GP6: variants seen among roughly 807,000 people sequenced by gnomAD.
GP6 encodes glycoprotein VI platelet.
A neutral mutation model predicts 37.3 loss-of-function variants in GP6; 45 were observed. The ratio of observed to expected loss-of-function variants is 1.21; its 90% CI spans 0.95 to 1.55. GP6 has a LOEUF of 1.55. Among genes scored for constraint, GP6 ranks in the 40% most tolerant of loss-of-function variants. The probability of loss-of-function intolerance (pLI) is 0.00; values close to 1 mark genes in which losing one functional copy is unlikely to be tolerated. For missense variants in GP6, 813 were observed against 760.2 expected (o/e 1.07, Z -0.82); for synonymous variants, 340 against 316.4 (o/e 1.07, Z -0.79).
Position 55,014,529 on chromosome 19 carries a change from A to G in GP6, c.1416T>C (p.Pro472=), listed in dbSNP as rs747159406. The change falls in exon 8 of 8, where the codon CCT becomes CCC. Residue 472 remains proline, a synonymous_variant. Transcript: ENST00000310373. ...ACAGAGGGCCAAAGGGAAGCACGGG[A>G]GGATTTTGCACAGAGGATGGAACAG... 1 of 1,613,862 alleles carries G rather than the reference A, an allele frequency of 6.2e-7. No individual in the cohort carries two copies. The highest frequency in any genetic ancestry group is 8.5e-7 in the Non-Finnish European group (1 of 1,179,768).
chr19:55,032,458 C>G (rs774141069), intron 2 of GP6, 48 bp downstream of exon 2: 2 of 1,613,196 alleles, frequency 1.2e-6, no homozygotes, highest in Non-Finnish European at 1.7e-6. Context: ...CCGCTGCTCC[C>G]GCGCTGGCGG....
rs1470170116 is a variant in GP6 at position 55,021,072 on chromosome 19, AG to A, written c.665-2362del. 3.6e-3 allele frequency among the ~76,000 whole-genome samples: 362 copies of A among 99,888 alleles called. 6 individuals are homozygous for A. Among genetic ancestry groups the A allele is most frequent in the African/African-American group, 0.015 (350 of 23,598 alleles). 65.5% of individuals were successfully genotyped at this position (99,888 alleles called of 152,430 possible). A position where few individuals can be genotyped will look rare whatever the true frequency, so the allele number is the denominator to read the frequency against. On this transcript the variant is annotated intron_variant, in intron 5 of 7. Transcript: ENST00000310373. ...GTTTAAAAAAAAAAAAAAAAAAAAA[AG>A]GTGGCCCTGGTGCGGTGGCTCACGC...
chr19:55,036,886 C>G (rs1451653184), intron 1 of GP6, among the ~76,000 whole-genome samples: 3 of 152,168 alleles, frequency 2.0e-5, no homozygotes, highest in Non-Finnish European at 4.4e-5. Context: ...TGGCAGATGC[C>G]TGTAATCCCA....
intron 3 of GP6, among the ~76,000 whole-genome samples, chr19:55,031,879 G>T (rs1625689): frequency 1.3e-5 from 2 of 151,996 alleles, no homozygotes; most frequent in Admixed American, 1.3e-4. Flanking sequence ...GGGCTGAGGC[G>T]GGAGAATCGC....
At position 55,029,741 on chromosome 19, in the gene GP6, A is replaced by C. The variant is rs2074491620; in HGVS notation, c.326-1879T>G. The stretch of plus-strand genomic sequence containing the variant: ...CAAGATAAAAAAAGGTATACTTCAC[A>C]TACCAGATAGTGAGGAGGGCCACTT... On this transcript the variant is annotated intron_variant, in intron 3 of 7. Coordinates refer to ENST00000310373, the MANE Select transcript of GP6 (RefSeq NM_001083899.2). Among the ~76,000 whole-genome samples the C allele has an allele frequency of 2.7e-5, 4 of 150,710 alleles. No homozygotes were observed. The South Asian group carries it at 8.5e-4, about 32-fold the overall frequency.
At position 55,014,115 on chromosome 19, in the gene GP6, A is replaced by G. The variant is rs1325254569; in HGVS notation, c.1830T>C (p.Asn610=). ...GGGTAATTGACATATTCATCCCTGT[A>G]TTTTTTGAGACAAAGTCAGGCTTCG... The change falls in exon 8 of 8, where the codon AAT becomes AAC. Residue 610 remains asparagine, a synonymous_variant. Transcript: ENST00000310373. 3 of 682,742 alleles carry G rather than the reference A, an allele frequency of 4.4e-6. No homozygotes were observed. Among genetic ancestry groups the G allele is most frequent in the Non-Finnish European group, 5.4e-6 (2 of 372,670 alleles). The allele number at this position is 682,742 out of a possible 1,614,324, so 42.3% of individuals were successfully genotyped here.
chr19:55,014,570 C>G lies in GP6; in HGVS notation c.1375G>C (p.Ala459Pro), dbSNP rs1311583261. The change falls in exon 8 of 8, where the codon GCT becomes CCT. Residue 459 changes from alanine (A) to proline (P), a missense_variant. Transcript: ENST00000310373. ...GATGGAACAGAGTCAACCCTGAGAG[C>G]TGGGAACCTTAGAGATCCGTCTGGA... 2 of 1,613,214 alleles carry G rather than the reference C, an allele frequency of 1.2e-6. No homozygotes were observed. Among genetic ancestry groups the G allele is most frequent in the African/African-American group, 1.3e-5 (1 of 74,848 alleles).
chr19:55,025,707 A>C (rs2074274331), intron 4 of GP6, among the ~76,000 whole-genome samples: 1 of 149,882 alleles, frequency 6.7e-6, no homozygotes, highest in Non-Finnish European at 1.5e-5. Context: ...CTCCATCTGA[A>C]AAAAAAAGGC....
intron 4 of GP6, among the ~76,000 whole-genome samples, chr19:55,026,665 C>T (rs1242698568): frequency 6.6e-6 from 1 of 152,104 alleles, no homozygotes; most frequent in Admixed American, 6.6e-5. Flanking sequence ...CCGAGGCGGG[C>T]AGATCATGAG....
At chr19:55,024,316 G>GCATGCA (rs2074207996) in intron 5 of GP6, among the ~76,000 whole-genome samples, 4 of 140,230 alleles carry the variant, frequency 2.9e-5, no homozygotes, top group South Asian at 2.3e-4. Flanking sequence ...ACATATGCAC[G>GCATGCA]CACACACACA....
rs796869786 is a variant in GP6, at chr19:55,034,716, T to TACACACACAC, written c.35-2188_35-2179dup. Among the ~76,000 whole-genome samples, 1,243 of 148,126 alleles carry TACACACACAC rather than the reference T, an allele frequency of 8.4e-3. 9 individuals carry two copies. Among genetic ancestry groups the TACACACACAC allele is most frequent in the South Asian group, 0.013 (61 of 4,624 alleles). On this transcript the variant is annotated intron_variant, in intron 1 of 7. Coordinates refer to ENST00000310373, the MANE Select transcript of GP6 (RefSeq NM_001083899.2). ...TGTTTTATCTGGTAACCCTCATTCT[T>TACACACACAC]ACACACACACACACACACACACACA... is the stretch of plus-strand genomic sequence containing the variant.
chr19:55,026,711 C>T (rs1602587382), intron 4 of GP6, among the ~76,000 whole-genome samples: 1 of 152,064 alleles, frequency 6.6e-6, no homozygotes, highest in African/African-American at 2.4e-5. Flanking sequence ...CATAGTGAAA[C>T]CCCGTCTCTA....
intron 4 of GP6, among the ~76,000 whole-genome samples, chr19:55,026,460 A>G (rs1444008051): frequency 7.1e-6 from 1 of 141,022 alleles, no homozygotes; most frequent in Non-Finnish European, 1.6e-5. Context: ...CTGACTTAGC[A>G]TAATGTCCTC....
At chr19:55,025,742 C>T (rs1306698505) in intron 4 of GP6, among the ~76,000 whole-genome samples, 1 of 151,412 alleles carries the variant, frequency 6.6e-6, no homozygotes. Context: ...TGGCTCACAC[C>T]TGTAATCCCA....
At chr19:55,023,042 T>A (rs1423248854) in intron 5 of GP6, among the ~76,000 whole-genome samples, 1 of 152,184 alleles carries the variant, frequency 6.6e-6, no homozygotes, top group African/African-American at 2.4e-5. Flanking sequence ...AGGGCCCATA[T>A]AGCCAAGACA....
intron 7 of GP6, 57 bp downstream of exon 7, chr19:55,015,626 G>C (rs1333902199): frequency 1.9e-6 from 2 of 1,049,034 alleles, no homozygotes; most frequent in Non-Finnish European, 3.0e-6. Flanking sequence ...AAAGGAGTTG[G>C]CTTTGGTGAA....
intron 4 of GP6, among the ~76,000 whole-genome samples, chr19:55,026,395 G>T (rs1026425039): frequency 6.6e-6 from 1 of 152,048 alleles, no homozygotes. Context: ...TTTCTACAGT[G>T]TTGACATTAG....
chr19:55,035,944 G>A (rs1220125243), intron 1 of GP6, among the ~76,000 whole-genome samples: 1 of 151,330 alleles, frequency 6.6e-6, no homozygotes, highest in Non-Finnish European at 1.5e-5. Context: ...ATGGTGGCGG[G>A]TGCCTGTAGT....
At chr19:55,019,392 G>T (rs1313766470) in intron 5 of GP6, among the ~76,000 whole-genome samples, 1 of 151,958 alleles carries the variant, frequency 6.6e-6, no homozygotes, top group East Asian at 1.9e-4. Flanking sequence ...TACAGGCTGC[G>T]CCTGGCCACA....
Sources: allele counts gnomAD v4.1 joint callset (sites outside exome capture counted in the v4.1 genomes callset), GRCh38; gene constraint gnomAD v4.1.1; transcripts MANE v1.5; gene names NCBI Gene and HGNC (gene_info 2026-07-23, HGNC 2026-07-21).